GDPD4: variants seen among roughly 807,000 people sequenced by gnomAD.
The protein encoded by GDPD4 is glycerophosphodiester phosphodiesterase 6.
In GDPD4, 60 loss-of-function variants were observed where a neutral mutation model predicts 67.8. That is an observed-to-expected ratio of 0.88 (90% confidence interval 0.72 to 1.10). The LOEUF is 1.10. GDPD4 is among the 50% of genes least tolerant of loss of function. The probability of loss-of-function intolerance (pLI) is 0.00; values close to 1 mark genes in which losing one functional copy is unlikely to be tolerated. For missense variants in GDPD4, 623 were observed against 613.9 expected (o/e 1.01, Z -0.16); for synonymous variants, 212 against 210.9 (o/e 1.00, Z -0.04).
At chr11:77,218,341 G>A (rs1470884998) in intron 16 of GDPD4, among the ~76,000 whole-genome samples, 2 of 151,998 alleles carry the variant, frequency 1.3e-5, no homozygotes, top group African/African-American at 4.8e-5. Flanking sequence ...CTGATCTAAG[G>A]GATATATACC....
At chr11:77,247,148 G>A (rs1018395585) in intron 11 of GDPD4, among the ~76,000 whole-genome samples, 1 of 151,972 alleles carries the variant, frequency 6.6e-6, no homozygotes, top group Non-Finnish European at 1.5e-5. Context: ...AAATTGCTAG[G>A]CCAGAAGGCA....
At chr11:77,284,061 T>A (rs1259186609) in intron 3 of GDPD4, among the ~76,000 whole-genome samples, 1 of 152,136 alleles carries the variant, frequency 6.6e-6, no homozygotes, top group Non-Finnish European at 1.5e-5. Context: ...TTTATTCTTC[T>A]TGACTCAATA....
intron 9 of GDPD4, among the ~76,000 whole-genome samples, 182 bp from the exon 10 acceptor site, chr11:77,268,721 T>C (rs746961566): frequency 1.2e-4 from 18 of 152,182 alleles, no homozygotes; most frequent in Non-Finnish European, 2.4e-4. Context: ...TCTGAGACAA[T>C]GTCACTGGGC....
In GDPD4 at chr11:77,217,266, AATCTATCTATCT is replaced by A. The variant is rs528202506; in HGVS notation, c.1562_*10del. On this transcript the variant is annotated stop_lost and 3_prime_UTR_variant, in exon 17 of 17. Coordinates refer to ENST00000315938, the MANE Select transcript of GDPD4 (RefSeq NM_182833.3). ...ACAGGAGGTTTCATGGCTATGTGCA[AATCTATCTATCT>A]ATCTATCTTCCTCATTCTTACTTCC... 8 of 1,596,052 alleles carry A rather than the reference AATCTATCTATCT, an allele frequency of 5.0e-6. No individual in the cohort carries two copies. Among genetic ancestry groups the A allele is most frequent in the South Asian group, 3.3e-5 (3 of 90,720 alleles).
At chr11:77,255,298 G>C (rs998165722) in intron 11 of GDPD4, among the ~76,000 whole-genome samples, 1 of 152,170 alleles carries the variant, frequency 6.6e-6, no homozygotes, top group Non-Finnish European at 1.5e-5. Flanking sequence ...CAGGCACAGT[G>C]GCTCACATCT....
chr11:77,276,665 C>A (rs1364719169), intron 4 of GDPD4, among the ~76,000 whole-genome samples: 3 of 152,172 alleles, frequency 2.0e-5, no homozygotes, highest in African/African-American at 7.2e-5. Flanking sequence ...GCTGTTGTTA[C>A]AATTGTCAAC....
chr11:77,228,264 C>T (rs1271024608), intron 15 of GDPD4, among the ~76,000 whole-genome samples: 2 of 151,632 alleles, frequency 1.3e-5, no homozygotes, highest in African/African-American at 2.4e-5. Flanking sequence ...TTTGGGAGGC[C>T]GAGGCGGGCA....
intron 13 of GDPD4, among the ~76,000 whole-genome samples, chr11:77,235,009 G>GTGTTTTTTT (rs1413310722): frequency 1.9e-5 from 1 of 52,254 alleles, no homozygotes; most frequent in African/African-American, 6.3e-5. Flanking sequence ...GTCAATATCT[G>GTGTTTTTTT]TTTTTTTTTT....
At chr11:77,289,600 G>A (rs1171605433) in intron 1 of GDPD4, among the ~76,000 whole-genome samples, 4 of 151,292 alleles carry the variant, frequency 2.6e-5, no homozygotes, top group Non-Finnish European at 4.4e-5. Flanking sequence ...GCATGGTAGT[G>A]CACATCTATA....
intron 11 of GDPD4, among the ~76,000 whole-genome samples, chr11:77,254,123 G>T (rs1323081549): frequency 6.6e-6 from 1 of 152,202 alleles, no homozygotes; most frequent in Non-Finnish European, 1.5e-5. Flanking sequence ...GTAGGCCACG[G>T]GGCAGGCACA....
Position 77,216,739 on chromosome 11 carries a change from G to C in GDPD4, c.*538C>G. 1.7e-6 allele frequency: 1 copy of C among 593,248 alleles called. No individual in the cohort carries two copies. 36.7% of individuals were successfully genotyped at this position (593,248 alleles called of 1,614,324 possible). A position where few individuals can be genotyped will look rare whatever the true frequency, so the allele number is the denominator to read the frequency against. Reference sequence around the variant, plus strand: ...CGAGAGCACAATGGTTCCCCTGAGAGCCTCCGTGGCCCTTCTGTGTGCCTT... The same window carrying C: ...CGAGAGCACAATGGTTCCCCTGAGACCCTCCGTGGCCCTTCTGTGTGCCTT... On this transcript the variant is annotated 3_prime_UTR_variant, in exon 17 of 17. Transcript: ENST00000315938.
In GDPD4 at chr11:77,271,398, G is replaced by A. The variant is rs531424505; in HGVS notation, c.208-5C>T. ...AATCACTAGCAGAATCAGGATCTAG[G>A]GAAACAGAAAAAAAATCTCCTGACT... On this transcript the variant is annotated splice_polypyrimidine_tract_variant and splice_region_variant and intron_variant, in intron 5 of 16. Coordinates refer to ENST00000315938, the MANE Select transcript of GDPD4 (RefSeq NM_182833.3). The A allele has an allele frequency of 1.1e-5, 17 of 1,590,178 alleles. No individual in the cohort carries two copies. Among genetic ancestry groups the A allele is most frequent in the Non-Finnish European group, 1.3e-5 (15 of 1,159,350 alleles).
chr11:77,226,721 T>C (rs1025740557), intron 16 of GDPD4, among the ~76,000 whole-genome samples: 1 of 152,190 alleles, frequency 6.6e-6, no homozygotes, highest in African/African-American at 2.4e-5. Context: ...ACGTAGCCAG[T>C]AGAGTGATCT....
chr11:77,226,530 A>G (rs1958341675), intron 16 of GDPD4, among the ~76,000 whole-genome samples: 1 of 152,146 alleles, frequency 6.6e-6, no homozygotes, highest in African/African-American at 2.4e-5. Flanking sequence ...AGGGCTCCTC[A>G]CCAAATTTGC....
At chr11:77,266,511 G>A (rs995732782) in intron 10 of GDPD4, among the ~76,000 whole-genome samples, 3 of 152,094 alleles carry the variant, frequency 2.0e-5, no homozygotes, top group Non-Finnish European at 4.4e-5. Context: ...TTATTTTAGA[G>A]TATATACATT....
chr11:77,217,364 C>A (rs748895145), intron 16 of GDPD4, 50 bp from the exon 17 acceptor site: 4 of 1,398,168 alleles, frequency 2.9e-6, no homozygotes, highest in African/African-American at 1.4e-5. Context: ...TCTCCACTCT[C>A]TGTCAGTCAT....
chr11:77,236,264 ATG>A (rs1340605362), intron 13 of GDPD4, among the ~76,000 whole-genome samples: 1 of 151,952 alleles, frequency 6.6e-6, no homozygotes, highest in Non-Finnish European at 1.5e-5. Flanking sequence ...TACATGTGCC[ATG>A]TTGGTTTTCT....
Position 77,217,270 on chromosome 11 carries a change from T to A in GDPD4, c.*7A>T, listed in dbSNP as rs745359217. The stretch of plus-strand genomic sequence containing the variant: ...GAGGTTTCATGGCTATGTGCAAATC[T>A]ATCTATCTATCTATCTTCCTCATTC... On this transcript the variant is annotated 3_prime_UTR_variant, in exon 17 of 17. Transcript: ENST00000315938. The A allele has an allele frequency of 4.5e-6, 7 of 1,554,870 alleles. No individual in the cohort carries two copies. The highest frequency in any genetic ancestry group is 1.1e-5 in the South Asian group (1 of 89,672).
intron 16 of GDPD4, 128 bp downstream of exon 16, chr11:77,227,735 TC>T (rs1958370605): frequency 9.4e-6 from 4 of 426,490 alleles, no homozygotes; most frequent in Non-Finnish European, 4.8e-6. Flanking sequence ...CCCTGGTCCC[TC>T]CCCCAACCCC....
Sources: allele counts gnomAD v4.1 joint callset (sites outside exome capture counted in the v4.1 genomes callset), GRCh38; gene constraint gnomAD v4.1.1; transcripts MANE v1.5; gene names NCBI Gene and HGNC (gene_info 2026-07-23, HGNC 2026-07-21).